Variants in GTF2E2 observed in about 807,000 individuals in gnomAD.
GTF2E2 encodes the protein general transcription factor IIE subunit 2.
In GTF2E2, 21 loss-of-function variants were observed where a neutral mutation model predicts 40.5. That is an observed-to-expected ratio of 0.52 (90% CI 0.37 to 0.75). The LOEUF (loss-of-function observed/expected upper bound fraction) is 0.75, where lower values mean the gene tolerates loss of function less well. Among genes scored for constraint, GTF2E2 ranks in the 30% least tolerant of loss-of-function variants. The probability of loss-of-function intolerance (pLI) is 0.00; values close to 1 mark genes in which losing one functional copy is unlikely to be tolerated. For missense variants in GTF2E2, 298 were observed against 338.4 expected, an observed-to-expected ratio of 0.88 and a Z score of 0.94; for synonymous variants, 117 against 121.6, an observed-to-expected ratio of 0.96 and a Z score of 0.25.
chr8:30,595,104 T>C (rs913561752), intron 6 of GTF2E2, among the ~76,000 whole-genome samples: 1 of 152,202 alleles, frequency 6.6e-6, no homozygotes, highest in African/African-American at 2.4e-5. Context: ...TTACATTTTT[T>C]TCAAAAAATG....
At chr8:30,634,487 C>T (rs1430358483) in intron 3 of GTF2E2, among the ~76,000 whole-genome samples, 1 of 151,926 alleles carries the variant, frequency 6.6e-6, no homozygotes, top group Non-Finnish European at 1.5e-5. Flanking sequence ...AAAGTAAAGC[C>T]AAAATCTTAT....
rs141361906 is a variant in GTF2E2, at chr8:30,585,695, C to T, written c.644-5299G>A. On this transcript the variant is annotated intron_variant, in intron 6 of 7. Coordinates refer to ENST00000355904, the MANE Select transcript of GTF2E2 (RefSeq NM_002095.6). ...GAGGATCATACTTACTAATAATTCA[C>T]GCACTTGCCACTTTTTCTCAGCCCC... Among the ~76,000 whole-genome samples, 574 of 148,630 alleles carry T rather than the reference C, an allele frequency of 3.9e-3. 3 individuals carry two copies. Among genetic ancestry groups the T allele is most frequent in the African/African-American group, 0.014 (550 of 40,176 alleles).
At chr8:30,629,877 T>C (rs577538772) in intron 3 of GTF2E2, among the ~76,000 whole-genome samples, 8 of 152,122 alleles carry the variant, frequency 5.3e-5, no homozygotes, top group South Asian at 2.1e-4. Flanking sequence ...TTTTTCAACA[T>C]AGTGTTTTAC....
intron 2 of GTF2E2, chr8:30,637,003 T>C (rs929718517): frequency 7.0e-6 from 3 of 426,400 alleles, no homozygotes; most frequent in African/African-American, 4.2e-5. Context: ...CTAAACACTA[T>C]GGTAAATATT....
At chr8:30,598,030 C>A (rs538947461) in intron 6 of GTF2E2, among the ~76,000 whole-genome samples, 1 of 152,284 alleles carries the variant, frequency 6.6e-6, no homozygotes, top group East Asian at 1.9e-4. Context: ...GTATTTTGAT[C>A]ATCAATTTGT....
chr8:30,640,893 C>T (rs1028815674), intron 2 of GTF2E2, among the ~76,000 whole-genome samples: 4 of 152,172 alleles, frequency 2.6e-5, no homozygotes, highest in East Asian at 1.9e-4. Flanking sequence ...TTAGCAGAGA[C>T]GGAGTTTCGC....
chr8:30,633,751 A>G (rs1801507123), intron 3 of GTF2E2, among the ~76,000 whole-genome samples: 1 of 152,228 alleles, frequency 6.6e-6, no homozygotes, highest in South Asian at 2.1e-4. Flanking sequence ...TTAGTGCCCT[A>G]AACAGCCAAT....
chr8:30,613,503 AAC>A (rs1800802886), intron 4 of GTF2E2, among the ~76,000 whole-genome samples: 1 of 152,200 alleles, frequency 6.6e-6, no homozygotes, highest in African/African-American at 2.4e-5. Context: ...AAAGAGAAGA[AAC>A]ACAGAAAGAA....
intron 6 of GTF2E2, among the ~76,000 whole-genome samples, chr8:30,602,433 G>C (rs559430461): frequency 9.2e-5 from 14 of 152,178 alleles, no homozygotes; most frequent in African/African-American, 3.4e-4. Flanking sequence ...TGTATCAGTA[G>C]GTTATATTAT....
chr8:30,591,131 T>G (rs1369102530), intron 6 of GTF2E2, among the ~76,000 whole-genome samples: 1 of 152,178 alleles, frequency 6.6e-6, no homozygotes, highest in African/African-American at 2.4e-5. Flanking sequence ...AGCTCTGTAA[T>G]AAAAGCACAA....
At chr8:30,615,965 T>C (rs1358210003) in intron 3 of GTF2E2, among the ~76,000 whole-genome samples, 2 of 152,104 alleles carry the variant, frequency 1.3e-5, no homozygotes, top group Non-Finnish European at 2.9e-5. Context: ...CCGTGGTATA[T>C]CCAGACGATG....
At chr8:30,614,105 T>A (rs1380544337) in intron 4 of GTF2E2, among the ~76,000 whole-genome samples, 1 of 152,218 alleles carries the variant, frequency 6.6e-6, no homozygotes, top group Non-Finnish European at 1.5e-5. Context: ...TAAGTCGAAT[T>A]GGTACAATGA....
At chr8:30,631,490 T>G (rs556853510) in intron 3 of GTF2E2, among the ~76,000 whole-genome samples, 1 of 152,340 alleles carries the variant, frequency 6.6e-6, no homozygotes, top group African/African-American at 2.4e-5. Context: ...ATATAAAAGC[T>G]GTATAGAAAT....
intron 3 of GTF2E2, among the ~76,000 whole-genome samples, chr8:30,622,293 C>T (rs1801126935): frequency 6.6e-6 from 1 of 151,772 alleles, no homozygotes; most frequent in South Asian, 2.1e-4. Flanking sequence ...TAAAGCTGGG[C>T]GTCCAGGGGA....
chr8:30,641,669 G>A (rs2128726338), intron 2 of GTF2E2, among the ~76,000 whole-genome samples: 1 of 152,220 alleles, frequency 6.6e-6, no homozygotes, highest in South Asian at 2.1e-4. Context: ...CTGACGTCAG[G>A]GGTTCAAGAC....
intron 3 of GTF2E2, 133 bp from the exon 4 acceptor site, chr8:30,614,848 G>C: frequency 8.4e-6 from 5 of 598,634 alleles, no homozygotes; most frequent in South Asian, 6.1e-5. Context: ...TAGTGACGAA[G>C]AGCCATAGAC....
At chr8:30,585,825 C>T (rs972249978) in intron 6 of GTF2E2, among the ~76,000 whole-genome samples, 2 of 143,556 alleles carry the variant, frequency 1.4e-5, no homozygotes, top group Non-Finnish European at 3.0e-5. Flanking sequence ...TGGCTCATGC[C>T]TGTAATTCCA....
chr8:30,614,587 G>A (rs182600571), intron 4 of GTF2E2, 21 bp downstream of exon 4: 3 of 1,243,766 alleles, frequency 2.4e-6, no homozygotes, highest in Non-Finnish European at 3.5e-6. Context: ...AATCTCTCTT[G>A]ATAATCAACT....
chr8:30,643,198 C>T (rs2978257), intron 2 of GTF2E2, among the ~76,000 whole-genome samples: 69,965 of 151,918 alleles, frequency 0.46, 16,329 homozygotes, highest in South Asian at 0.59. Context: ...GGTGTGAAAA[C>T]AATATTGTGG....
Sources: gnomAD v4.1 joint callset for allele counts (sites outside exome capture counted in the v4.1 genomes callset) on GRCh38, gnomAD v4.1.1 for gene constraint, MANE v1.5 for transcripts, NCBI Gene and HGNC (gene_info 2026-07-23, HGNC 2026-07-21) for gene names.